The following ZNF395 variants were observed in gnomAD, a reference collection of about 807,000 sequenced individuals.
ZNF395 encodes HD gene regulatory region-binding protein 2.
In ZNF395, 20 loss-of-function variants were observed where a neutral mutation model predicts 57.7. The observed-to-expected ratio is 0.35, with a 90% CI of 0.24 to 0.50. ZNF395 has a LOEUF of 0.50. ZNF395 is among the 20% of genes least tolerant of loss of function. The pLI is 0.97. For synonymous variants in ZNF395, 295 were observed against 275.9 expected (o/e 1.07, Z -0.69); for missense variants, 606 against 671.2 (o/e 0.90, Z 1.07).
Position 28,346,758 on chromosome 8 carries a change from G to GCCCTC in ZNF395, c.*1956_*1960dup, listed in dbSNP as rs1245586359. ...CGAAGTTCCCATGTGTCAAGAACGT[G>GCCCTC]CCCTCCCCTCCCCATGAGGACCTGA... On this transcript the variant is annotated 3_prime_UTR_variant, in exon 10 of 10. Coordinates refer to ENST00000344423, the MANE Select transcript of ZNF395 (RefSeq NM_018660.3). 6.6e-6 allele frequency: 1 copy of GCCCTC among 151,496 alleles called. No homozygotes were observed. The highest frequency in any genetic ancestry group is 1.9e-4 in the East Asian group (1 of 5,136). The allele number at this position is 151,496 out of a possible 1,614,324, so 9.4% of individuals were successfully genotyped here. A position where few individuals can be genotyped will look rare whatever the true frequency, so the allele number is the denominator to read the frequency against.
chr8:28,364,714 A>G (rs1255478042), intron 1 of ZNF395, among the ~76,000 whole-genome samples: 1 of 151,854 alleles, frequency 6.6e-6, no homozygotes, highest in African/African-American at 2.4e-5. Flanking sequence ...GCAGTGAGCC[A>G]AGATCACACC....
chr8:28,364,247 A>G (rs990178240), intron 1 of ZNF395, among the ~76,000 whole-genome samples: 4 of 152,330 alleles, frequency 2.6e-5, no homozygotes, highest in Middle Eastern at 3.4e-3. Flanking sequence ...AGAGGTCACA[A>G]TCCTGCCATG....
intron 1 of ZNF395, among the ~76,000 whole-genome samples, chr8:28,384,108 C>T (rs1019492455): frequency 1.3e-5 from 2 of 152,146 alleles, no homozygotes; most frequent in African/African-American, 4.8e-5. Context: ...CCTGCAACTC[C>T]AACAGCCTGC....
rs372452278 is a variant in ZNF395 at position 28,356,555 on chromosome 8, T to C, written c.583+115A>G. On this transcript the variant is annotated intron_variant, in intron 4 of 9. Coordinates refer to ENST00000344423, the MANE Select transcript of ZNF395 (RefSeq NM_018660.3). The surrounding 1 kb of genome is among the most constrained non-coding windows in gnomAD (Gnocchi z 4.0). ...CGGTCAGAGGTGCCAGTGGGAGGTG[T>C]CCCTGGACATTCTATTGCCAGGCTG... The C allele has an allele frequency of 1.4e-4, 98 of 695,276 alleles. No homozygotes were observed. In the East Asian group the frequency reaches 1.7e-3, roughly 12 times the overall value. 43.1% of individuals were successfully genotyped at this position (695,276 alleles called of 1,614,324 possible).
chr8:28,365,678 T>C (rs534819229), intron 1 of ZNF395, among the ~76,000 whole-genome samples: 1 of 152,194 alleles, frequency 6.6e-6, no homozygotes, highest in South Asian at 2.1e-4. Context: ...CCCTCTTGTG[T>C]TCCTCACTCC....
intron 1 of ZNF395, among the ~76,000 whole-genome samples, chr8:28,373,827 C>G (rs889850999): frequency 1.3e-5 from 2 of 152,188 alleles, no homozygotes; most frequent in African/African-American, 4.8e-5. Context: ...ATCCTGCCCC[C>G]TTGTCTTCAA....
At chr8:28,354,413 G>A (rs572881632) in intron 4 of ZNF395, among the ~76,000 whole-genome samples, 2 of 152,292 alleles carry the variant, frequency 1.3e-5, no homozygotes, top group South Asian at 2.1e-4. Context: ...CAACAGGGGC[G>A]TTCCACAGAG....
rs765726499 is a variant in ZNF395, at chr8:28,351,786, C to A, written c.942G>T (p.Gln314His). Residue 314 changes from glutamine (Q) to histidine (H), a missense_variant, in exon 7 of 10, where the codon CAG (glutamine) becomes CAT (histidine). Transcript: ENST00000344423. ...LHLGDTVDSD[Q>H]FKREEDFYYT... ...AGTAGAAATCCTCCTCCCGCTTGAA[C>A]TGATCAGAGTCCACTGTGTCCCTGT... is the stretch of plus-strand genomic sequence containing the variant. 3.8e-6 allele frequency: 6 copies of A among 1,570,900 alleles called. No individual in the cohort carries two copies. The South Asian group carries it at 7.0e-5, about 18-fold the overall frequency.
chr8:28,356,866 G>T lies in ZNF395; in HGVS notation c.474-87C>A. 9.5e-7 allele frequency: 1 copy of T among 1,055,452 alleles called. No individual in the cohort carries two copies. Among genetic ancestry groups the T allele is most frequent in the Non-Finnish European group, 1.4e-6 (1 of 715,584 alleles). The allele number at this position is 1,055,452 out of a possible 1,614,324, so 65.4% of individuals were successfully genotyped here. A position where few individuals can be genotyped will look rare whatever the true frequency, so the allele number is the denominator to read the frequency against. On this transcript the variant is annotated intron_variant, in intron 3 of 9. Coordinates refer to ENST00000344423, the MANE Select transcript of ZNF395 (RefSeq NM_018660.3). This position sits in a 1 kb window ranked among gnomAD's most constrained non-coding sequence, Gnocchi z 4.0. ...CAAAACGAGACACCACTTCTGGCTG[G>T]TTTCACACAATCATCTTACACTTCT...
At chr8:28,355,468 G>A (rs1801767926) in intron 4 of ZNF395, among the ~76,000 whole-genome samples, 1 of 150,328 alleles carries the variant, frequency 6.7e-6, no homozygotes, top group Non-Finnish European at 1.5e-5. Flanking sequence ...TTTACAAAGG[G>A]ACTTAAAATT....
intron 1 of ZNF395, among the ~76,000 whole-genome samples, chr8:28,378,573 A>C (rs1265199749): frequency 6.6e-6 from 1 of 152,166 alleles, no homozygotes; most frequent in African/African-American, 2.4e-5. Flanking sequence ...ATCCTTTCTA[A>C]AATGATCCCA....
intron 9 of ZNF395, 70 bp from the exon 10 acceptor site, chr8:28,348,900 C>G: frequency 6.6e-7 from 1 of 1,522,896 alleles, no homozygotes. Flanking sequence ...CCAAGTGGGG[C>G]TGGGAGAACA....
intron 1 of ZNF395, among the ~76,000 whole-genome samples, chr8:28,371,124 C>T (rs1453980757): frequency 1.3e-5 from 2 of 152,168 alleles, no homozygotes; most frequent in African/African-American, 2.4e-5. Context: ...CCCAAGGCCA[C>T]GAAGCTAGAA....
intron 7 of ZNF395, 115 bp from the exon 8 acceptor site, chr8:28,350,271 T>C: frequency 2.3e-6 from 2 of 867,518 alleles, no homozygotes; most frequent in South Asian, 3.2e-5. Context: ...GTAAGTGCAA[T>C]GACCAGAAAG....
chr8:28,348,866 C>A (rs745753946), intron 9 of ZNF395, 36 bp from the exon 10 acceptor site: 11 of 1,605,612 alleles, frequency 6.9e-6, no homozygotes, highest in Admixed American at 3.3e-5. Flanking sequence ...GAGCCCCACA[C>A]AGGTGGTGGG....
At position 28,365,706 on chromosome 8, in the gene ZNF395, A is replaced by C. The variant is rs577997444; in HGVS notation, c.-58-4524T>G. ...CTCACTCCCTACTGCCGTCACCAAC[A>C]GGAGGGGTTGGCTACCCTAGATAAC... On this transcript the variant is annotated intron_variant, in intron 1 of 9. Coordinates refer to ENST00000344423, the MANE Select transcript of ZNF395 (RefSeq NM_018660.3). Among the ~76,000 whole-genome samples the C allele has an allele frequency of 1.8e-4, 27 of 152,292 alleles. No individual in the cohort carries two copies. The South Asian group carries it at 4.3e-3, about 25-fold the overall frequency.
At chr8:28,367,367 C>A (rs1801923624) in intron 1 of ZNF395, among the ~76,000 whole-genome samples, 1 of 152,126 alleles carries the variant, frequency 6.6e-6, no homozygotes, top group African/African-American at 2.4e-5. Context: ...AGAAGGGACT[C>A]CCAACTAACA....
At position 28,352,241 on chromosome 8, in the gene ZNF395, G is replaced by A. The variant is rs368441614; in HGVS notation, c.920+332C>T. On this transcript the variant is annotated intron_variant, in intron 6 of 9. Coordinates refer to ENST00000344423, the MANE Select transcript of ZNF395 (RefSeq NM_018660.3). The surrounding 1 kb of genome is among the most constrained non-coding windows in gnomAD (Gnocchi z 4.0). ...CGGAGACCCACTCCCAAGGAAGAGTGGGTGGTGCAGTGCTTGGCCACTAAA... is the reference window on the plus strand; with the variant it reads ...CGGAGACCCACTCCCAAGGAAGAGTAGGTGGTGCAGTGCTTGGCCACTAAA... 6.6e-6 allele frequency among the ~76,000 whole-genome samples: 1 copy of A among 152,194 alleles called. No individual in the cohort carries two copies. The highest frequency in any genetic ancestry group is 2.4e-5 in the African/African-American group (1 of 41,444).
chr8:28,375,588 C>T (rs1231690054), intron 1 of ZNF395, among the ~76,000 whole-genome samples: 1 of 152,080 alleles, frequency 6.6e-6, no homozygotes, highest in African/African-American at 2.4e-5. Flanking sequence ...TTAAACAGCA[C>T]ACTTAAGATC....
Sources: gnomAD v4.1 joint callset for allele counts (sites outside exome capture counted in the v4.1 genomes callset) on GRCh38, gnomAD v4.1.1 for gene constraint, Gnocchi (gnomAD v3.1) non-coding constraint, MANE v1.5 for transcripts, NCBI Gene and HGNC (gene_info 2026-07-23, HGNC 2026-07-21) for gene names.